SERINC5: variants seen among roughly 807,000 people sequenced by gnomAD.
SERINC5 encodes serine incorporator 5, also known as chromosome 5 open reading frame 12.
A neutral mutation model predicts 63.1 loss-of-function variants in SERINC5; 41 were observed. The ratio of observed to expected loss-of-function variants is 0.65; its 90% CI spans 0.51 to 0.84. The LOEUF is 0.84. Among genes scored for constraint, SERINC5 ranks in the 40% least tolerant of loss-of-function variants. The probability of loss-of-function intolerance (pLI) is 0.00; values close to 1 mark genes in which losing one functional copy is unlikely to be tolerated. For missense variants in SERINC5, 523 were observed against 573.0 expected, an observed-to-expected ratio of 0.91 and a Z score of 0.89; for synonymous variants, 222 against 215.2, an observed-to-expected ratio of 1.03 and a Z score of -0.28.
At chr5:80,162,405 G>A (rs1197503488) in intron 7 of SERINC5, among the ~76,000 whole-genome samples, 1 of 152,034 alleles carries the variant, frequency 6.6e-6, no homozygotes, top group African/African-American at 2.4e-5. Context: ...ACGTGGTCTT[G>A]CTCTTTCACC....
Position 80,143,664 on chromosome 5 carries a change from C to T in SERINC5, c.1385G>A (p.Ter462=). The change falls in exon 12 of 12, where the codon TGA becomes TAA. Residue 462 remains the stop codon, a stop_retained_variant. Coordinates refer to ENST00000507668, the MANE Select transcript of SERINC5 (RefSeq NM_001174072.3). The part of the protein sequence containing the change: ...LCCPTREFSV[*] ...AAGCCCAGGGGACCGCCGATATCAT[C>T]ACACAGAGAACTCCCGGGTGGGGCA... 1 of 1,535,958 alleles carries T rather than the reference C, an allele frequency of 6.5e-7. No individual in the cohort carries two copies. The highest frequency in any genetic ancestry group is 1.2e-5 in the South Asian group (1 of 84,048).
chr5:80,133,084 G>T (rs1457990015), intron 11 of SERINC5, among the ~76,000 whole-genome samples: 2 of 152,112 alleles, frequency 1.3e-5, no homozygotes, highest in Non-Finnish European at 2.9e-5. Flanking sequence ...AGATCTGGTT[G>T]TGTGTGGCAC....
At chr5:80,180,329 A>G (rs368258639) in intron 2 of SERINC5, among the ~76,000 whole-genome samples, 10 of 152,370 alleles carry the variant, frequency 6.6e-5, no homozygotes, top group Middle Eastern at 3.4e-3. Flanking sequence ...ACTATTATTC[A>G]TAAGAAAAAT....
At chr5:80,181,483 G>C (rs1282273660) in intron 2 of SERINC5, among the ~76,000 whole-genome samples, 1 of 147,212 alleles carries the variant, frequency 6.8e-6, no homozygotes, top group East Asian at 2.2e-4. Flanking sequence ...AACTGGTCTC[G>C]AACTCCTAGA....
In SERINC5 at chr5:80,165,900, A is replaced by G. The variant is rs138742676; in HGVS notation, c.859+483T>C. On this transcript the variant is annotated intron_variant, in intron 7 of 11. Coordinates refer to ENST00000507668, the MANE Select transcript of SERINC5 (RefSeq NM_001174072.3). ...GCTCAAGTTAAAGACTTTTTCATGA[A>G]AAAGTCTAGATCATCTCTCTACTGT... is the stretch of plus-strand genomic sequence containing the variant. 1.6e-3 allele frequency among the ~76,000 whole-genome samples: 241 copies of G among 152,336 alleles called. 1 individual carries two copies. Among genetic ancestry groups the G allele is most frequent in the African/African-American group, 5.5e-3 (227 of 41,574 alleles).
intron 1 of SERINC5, among the ~76,000 whole-genome samples, chr5:80,211,836 G>A (rs1750445568): frequency 6.6e-6 from 1 of 152,184 alleles, no homozygotes; most frequent in African/African-American, 2.4e-5. Flanking sequence ...CATATGTTCT[G>A]TTACCTTCAT....
intron 8 of SERINC5, among the ~76,000 whole-genome samples, chr5:80,156,111 G>A (rs1408910522): frequency 1.3e-5 from 2 of 152,200 alleles, no homozygotes; most frequent in South Asian, 2.1e-4. Flanking sequence ...TACAAGAGTG[G>A]ACCCCAGGCA....
chr5:80,113,920 G>A (rs1422422549), intron 11 of SERINC5, among the ~76,000 whole-genome samples: 1 of 151,946 alleles, frequency 6.6e-6, no homozygotes, highest in Non-Finnish European at 1.5e-5. Context: ...ATGCCTGTGG[G>A]CGAGGCTCCC....
At chr5:80,231,879 T>C (rs1302000210) in intron 1 of SERINC5, among the ~76,000 whole-genome samples, 1 of 151,738 alleles carries the variant, frequency 6.6e-6, no homozygotes, top group Non-Finnish European at 1.5e-5. Context: ...GAAGGGAGGA[T>C]TACCTGAGCC....
chr5:80,197,835 C>T (rs947426427), intron 2 of SERINC5, among the ~76,000 whole-genome samples: 1 of 152,106 alleles, frequency 6.6e-6, no homozygotes, highest in African/African-American at 2.4e-5. Flanking sequence ...TTGCATTCTA[C>T]ATTCTAAAAT....
chr5:80,195,016 G>C (rs1283686392), intron 2 of SERINC5, among the ~76,000 whole-genome samples: 1 of 152,138 alleles, frequency 6.6e-6, no homozygotes, highest in East Asian at 1.9e-4. Context: ...GCCAGGTGTG[G>C]TGGCTCACAC....
At chr5:80,193,849 G>T (rs984268067) in intron 2 of SERINC5, among the ~76,000 whole-genome samples, 2 of 152,120 alleles carry the variant, frequency 1.3e-5, no homozygotes, top group African/African-American at 4.8e-5. Flanking sequence ...TGTTATCTCC[G>T]GATGAAATTT....
intron 2 of SERINC5, among the ~76,000 whole-genome samples, chr5:80,192,877 G>C (rs1402472750): frequency 6.6e-6 from 1 of 152,160 alleles, no homozygotes; most frequent in African/African-American, 2.4e-5. Context: ...GACTCCGAAG[G>C]TCAGCCGAGT....
intron 1 of SERINC5, among the ~76,000 whole-genome samples, chr5:80,203,863 T>C (rs1278540905): frequency 6.6e-6 from 1 of 151,902 alleles, no homozygotes; most frequent in East Asian, 1.9e-4. Context: ...GAACCAACCA[T>C]GTGGTTTAGA....
intron 2 of SERINC5, among the ~76,000 whole-genome samples, chr5:80,197,361 GA>G (rs1749576339): frequency 4.4e-5 from 3 of 67,590 alleles, no homozygotes; most frequent in South Asian, 4.6e-4. Flanking sequence ...GAGAGAGAGA[GA>G]GAACGGACCA....
intron 2 of SERINC5, among the ~76,000 whole-genome samples, chr5:80,187,872 T>A (rs954578914): frequency 2.6e-5 from 4 of 152,040 alleles, no homozygotes; most frequent in African/African-American, 7.2e-5. Flanking sequence ...TACAATAAGC[T>A]CCAAAGGAGA....
chr5:80,138,119 C>A (rs1428322786), downstream of SERINC5, among the ~76,000 whole-genome samples: 1 of 151,460 alleles, frequency 6.6e-6, no homozygotes, highest in Non-Finnish European at 1.5e-5. Context: ...GTCAAACTTC[C>A]TAAGTTTGAC....
intron 1 of SERINC5, among the ~76,000 whole-genome samples, chr5:80,251,768 G>A (rs1258507426): frequency 6.6e-6 from 1 of 151,322 alleles, no homozygotes; most frequent in Non-Finnish European, 1.5e-5. Context: ...CCTTTACTCA[G>A]AATGGCAACC....
intron 6 of SERINC5, 85 bp from the exon 7 acceptor site, chr5:80,166,563 C>G (rs1747317038): frequency 1.2e-6 from 1 of 816,534 alleles, no homozygotes; most frequent in African/African-American, 1.7e-5. Flanking sequence ...GTCCCCATGA[C>G]AGTCCTCAAA....
Sources: allele counts gnomAD v4.1 joint callset (sites outside exome capture counted in the v4.1 genomes callset), GRCh38; gene constraint gnomAD v4.1.1; transcripts MANE v1.5; gene names NCBI Gene and HGNC (gene_info 2026-07-23, HGNC 2026-07-21).